The following FABP6 variants were observed in gnomAD, a reference collection of about 807,000 sequenced individuals.
The protein encoded by FABP6 is gastrotropin.
A neutral mutation model predicts 14.9 loss-of-function variants in FABP6; 13 were observed. That is an observed-to-expected ratio of 0.87 (90% CI 0.57 to 1.39). The LOEUF (loss-of-function observed/expected upper bound fraction) is 1.39. Ranked by LOEUF, FABP6 falls within the 40% of genes most tolerant of loss-of-function variation. FABP6 has a pLI of 0.00. For synonymous variants in FABP6, 75 were observed against 63.6 expected, an observed-to-expected ratio of 1.18 and a Z score of -0.85; for missense variants, 161 against 167.2, an observed-to-expected ratio of 0.96 and a Z score of 0.20.
chr5:160,214,144 T>TTTCA lies in FABP6; in HGVS notation c.135+328_135+329insATTC, dbSNP rs1328154561. Reference sequence around the variant, plus strand: ...CTTTCTTTCTTTCTTTCTTTCTTTCTTTCTTTCTTTCTTTCCTTCTTCTCT... The same window carrying TTTCA: ...CTTTCTTTCTTTCTTTCTTTCTTTCTTTCATTCTTTCTTTCTTTCCTTCTTCTCT... On this transcript the variant is annotated intron_variant, in intron 3 of 6. Coordinates refer to the FABP6 transcript ENST00000393980. 5.4e-5 allele frequency among the ~76,000 whole-genome samples: 6 copies of TTTCA among 112,012 alleles called. 1 individual carries two copies. The highest frequency in any genetic ancestry group is 2.0e-4 in the African/African-American group (6 of 30,250). The allele number at this position is 112,012 out of a possible 152,430, so 73.5% of individuals were successfully genotyped here. A position where few individuals can be genotyped will look rare whatever the true frequency, so the allele number is the denominator to read the frequency against.
exon 3 of FABP6, chr5:160,213,818 A>G (rs1476740919): frequency 6.2e-7 from 1 of 1,613,302 alleles, no homozygotes; most frequent in East Asian, 2.2e-5. Flanking sequence ...CATAAAGGAA[A>G]GGTATGGGGT....
intron 2 of FABP6, among the ~76,000 whole-genome samples, chr5:160,210,443 A>T (rs4921263): frequency 0.18 from 27,224 of 152,202 alleles, 2,494 homozygotes; most frequent in African/African-American, 0.2. Context: ...GAAGGAATCT[A>T]TCCCTATGGT....
chr5:160,208,407 C>A (rs904559037), intron 2 of FABP6, among the ~76,000 whole-genome samples: 1 of 151,974 alleles, frequency 6.6e-6, no homozygotes, highest in African/African-American at 2.4e-5. Context: ...CACTGCATTC[C>A]AGCCTGGGTG....
intron 1 of FABP6, among the ~76,000 whole-genome samples, chr5:160,189,462 C>G (rs1345550965): frequency 6.6e-6 from 1 of 152,178 alleles, no homozygotes; most frequent in Non-Finnish European, 1.5e-5. Context: ...AGGCTGGTCT[C>G]AAACTCCTGA....
Position 160,234,834 on chromosome 5 carries a change from G to A in FABP6, c.258G>A (p.Met86Ile). The A allele has an allele frequency of 6.2e-7, 1 of 1,610,572 alleles. No individual in the cohort carries two copies. The highest frequency in any genetic ancestry group is 1.1e-5 in the South Asian group (1 of 90,354). The change falls in exon 3 of 4, where the codon ATG becomes ATA. Residue 86 changes from methionine to isoleucine, a missense_variant. By Grantham distance (10) the Met-to-Ile change is conservative. Coordinates refer to ENST00000402432, the MANE Select transcript of FABP6 (RefSeq NM_001445.3). The stretch of plus-strand genomic sequence containing the variant: ...TTCCATTCCAGGCCACTGTGCAGAT[G>A]GAGGGCGGGAAGCTGGTGGTGAATT... ...GGKTFKATVQ[M>I]EGGKLVVNFP...
At chr5:160,237,399 G>A (rs1760540789) in intron 3 of FABP6, among the ~76,000 whole-genome samples, 2 of 152,032 alleles carry the variant, frequency 1.3e-5, no homozygotes, top group South Asian at 2.1e-4. Context: ...ACCCAGGCAC[G>A]TGCACACATA....
chr5:160,202,469 A>G (rs1759662305), intron 2 of FABP6, among the ~76,000 whole-genome samples: 2 of 152,148 alleles, frequency 1.3e-5, no homozygotes, highest in Non-Finnish European at 2.9e-5. Context: ...CACCATGTCA[A>G]AAAGCAAAAT....
chr5:160,231,164 G>T (rs958258069), intron 1 of FABP6, among the ~76,000 whole-genome samples: 1 of 152,124 alleles, frequency 6.6e-6, no homozygotes, highest in African/African-American at 2.4e-5. Context: ...TGTGCCTTGG[G>T]GCCTTGAGGA....
At chr5:160,230,173 G>A (rs531317755) in intron 1 of FABP6, among the ~76,000 whole-genome samples, 7 of 151,604 alleles carry the variant, frequency 4.6e-5, no homozygotes, top group Non-Finnish European at 7.4e-5. Context: ...GTGAGCTGCC[G>A]CACCCAGCAT....
intron 2 of FABP6, among the ~76,000 whole-genome samples, chr5:160,203,789 C>T (rs1249898084): frequency 6.6e-6 from 1 of 151,784 alleles, no homozygotes; most frequent in African/African-American, 2.4e-5. Context: ...GTAATCTCCG[C>T]CTTCCGGGTT....
chr5:160,215,972 A>C (rs746113946), intron 3 of FABP6, among the ~76,000 whole-genome samples: 5 of 152,162 alleles, frequency 3.3e-5, no homozygotes, highest in Non-Finnish European at 7.3e-5. Context: ...GGGAGGTAGA[A>C]GGACAAATGC....
intron 2 of FABP6, among the ~76,000 whole-genome samples, chr5:160,201,566 C>T (rs1461076150): frequency 6.6e-6 from 1 of 152,088 alleles, no homozygotes; most frequent in Non-Finnish European, 1.5e-5. Flanking sequence ...AAATGCAATG[C>T]CATACAATTA....
intron 2 of FABP6, among the ~76,000 whole-genome samples, chr5:160,211,730 G>A (rs762545466): frequency 7.2e-5 from 11 of 152,210 alleles, no homozygotes; most frequent in Non-Finnish European, 1.0e-4. Context: ...TACTCCATAC[G>A]TTTCCAAAAA....
At chr5:160,193,309 G>C (rs1394522133) in intron 1 of FABP6, among the ~76,000 whole-genome samples, 1 of 152,194 alleles carries the variant, frequency 6.6e-6, no homozygotes, top group Non-Finnish European at 1.5e-5. Flanking sequence ...GGCTTCAGGA[G>C]TGAAGCTGCA....
chr5:160,220,766 C>G (rs1214242749), intron 3 of FABP6, among the ~76,000 whole-genome samples: 1 of 151,908 alleles, frequency 6.6e-6, no homozygotes, highest in Non-Finnish European at 1.5e-5. Flanking sequence ...GTTGTAACTG[C>G]CTGTTTATGG....
upstream of FABP6, among the ~76,000 whole-genome samples, chr5:160,225,022 C>T (rs980896529): frequency 5.9e-5 from 9 of 151,628 alleles, no homozygotes; most frequent in African/African-American, 1.2e-4. Context: ...TCAAGTGATC[C>T]GCCGGCCTTG....
intron 2 of FABP6, among the ~76,000 whole-genome samples, chr5:160,206,444 C>CA (rs1358238583): frequency 2.0e-5 from 3 of 151,718 alleles, no homozygotes; most frequent in African/African-American, 7.3e-5. Flanking sequence ...AACAAAAAAG[C>CA]AAAAAAACCC....
chr5:160,213,168 T>C (rs917685692), intron 2 of FABP6, among the ~76,000 whole-genome samples: 1 of 152,178 alleles, frequency 6.6e-6, no homozygotes, highest in Non-Finnish European at 1.5e-5. Context: ...CCCTTTTCTA[T>C]GTTTAGAGAA....
chr5:160,221,619 C>G (rs998814079), intron 3 of FABP6, among the ~76,000 whole-genome samples: 1 of 152,138 alleles, frequency 6.6e-6, no homozygotes, highest in African/African-American at 2.4e-5. Context: ...GTGAATTTTT[C>G]ATTGTTTCTC....
Sources: gnomAD v4.1 joint callset for allele counts (sites outside exome capture counted in the v4.1 genomes callset) on GRCh38, gnomAD v4.1.1 for gene constraint, MANE v1.5 for transcripts, NCBI Gene and HGNC (gene_info 2026-07-23, HGNC 2026-07-21) for gene names.